DNM3: variants seen among roughly 807,000 people sequenced by gnomAD.
DNM3 encodes the protein dynamin 3, also known as dynamin-3.
Under a neutral mutation model 101.6 loss-of-function variants are expected in DNM3, and 47 were observed. The ratio of observed to expected loss-of-function variants is 0.46; its 90% CI spans 0.37 to 0.59. The LOEUF (loss-of-function observed/expected upper bound fraction) is 0.59, where lower values mean the gene tolerates loss of function less well. DNM3 is among the 20% of genes least tolerant of loss of function. The pLI, the probability that DNM3 is intolerant of heterozygous loss-of-function variation, is 0.00. For missense variants in DNM3, 849 were observed against 1,085.7 expected (o/e 0.78, Z 3.06); for synonymous variants, 385 against 387.9 (o/e 0.99, Z 0.09).
In DNM3 at chr1:171,861,536, G is replaced by A. The variant is rs190018848; in HGVS notation, c.161+19719G>A. Among the ~76,000 whole-genome samples, 430 of 152,206 alleles carry A rather than the reference G, an allele frequency of 2.8e-3. 1 individual carries two copies. Among genetic ancestry groups the A allele is most frequent in the Non-Finnish European group, 5.0e-3 (339 of 67,978 alleles). On this transcript the variant is annotated intron_variant, in intron 1 of 20. Transcript: ENST00000627582. ...GGTACTGGGACAGCAGTATATCCAT[G>A]TGCAAAAGAATACATTGGGGCCCCT...
At chr1:171,998,372 T>C (rs1300363166) in intron 4 of DNM3, among the ~76,000 whole-genome samples, 1 of 152,192 alleles carries the variant, frequency 6.6e-6, no homozygotes, top group African/African-American at 2.4e-5. Flanking sequence ...ACTAAATGAA[T>C]GCTTCTTGAT....
At chr1:171,957,199 CTTTTTTTT>C (rs377678762) in intron 2 of DNM3, among the ~76,000 whole-genome samples, 1 of 138,342 alleles carries the variant, frequency 7.2e-6, no homozygotes, top group South Asian at 2.3e-4. Flanking sequence ...TTCTTTCTTT[CTTTTTTTT>C]TTTTTTTTGA....
chr1:171,987,378 T>G, intron 2 of DNM3: 1 of 928,658 alleles, frequency 1.1e-6, no homozygotes, highest in Non-Finnish European at 1.3e-6. Flanking sequence ...AGCCAAAATT[T>G]TCTTTAAATT....
chr1:172,036,044 G>A (rs928114867), intron 6 of DNM3, among the ~76,000 whole-genome samples: 11 of 148,286 alleles, frequency 7.4e-5, no homozygotes, highest in Non-Finnish European at 4.5e-5. Context: ...TAGGGTACAT[G>A]TGCACAATCT....
chr1:172,188,817 G>T (rs940972893), intron 14 of DNM3, among the ~76,000 whole-genome samples: 3 of 151,988 alleles, frequency 2.0e-5, no homozygotes, highest in Non-Finnish European at 4.4e-5. Flanking sequence ...ATGAGTTCCT[G>T]TTCCTTTGCA....
At chr1:172,036,275 G>A (rs977248376) in intron 6 of DNM3, among the ~76,000 whole-genome samples, 4 of 149,202 alleles carry the variant, frequency 2.7e-5, no homozygotes, top group East Asian at 2.0e-4. Flanking sequence ...TTGTTCTTGC[G>A]ATAGTTTACT....
At chr1:172,127,962 G>A (rs973574747) in intron 13 of DNM3, among the ~76,000 whole-genome samples, 1 of 152,012 alleles carries the variant, frequency 6.6e-6, no homozygotes, top group Admixed American at 6.6e-5. Flanking sequence ...CCACCACACT[G>A]GCATAGCTAA....
At chr1:172,046,737 C>T (rs1276204359) in intron 9 of DNM3, among the ~76,000 whole-genome samples, 1 of 152,074 alleles carries the variant, frequency 6.6e-6, no homozygotes, top group Non-Finnish European at 1.5e-5. Context: ...TATTTCTTCT[C>T]CACCAAATCC....
intron 1 of DNM3, among the ~76,000 whole-genome samples, chr1:171,866,557 C>G (rs1041644130): frequency 4.6e-5 from 7 of 152,058 alleles, no homozygotes; most frequent in Admixed American, 6.6e-5. Flanking sequence ...GGATAATTAT[C>G]CTTTCCCTCA....
At position 172,048,596 on chromosome 1, in the gene DNM3, G is replaced by C. The variant is rs778555579; in HGVS notation, c.1197-16G>C. ...ATTAAAAAAATCTCATGGGCTGCTT[G>C]CTTTCTTACCTTCAGGACAGGGTTG... On this transcript the variant is annotated splice_polypyrimidine_tract_variant and intron_variant, in intron 9 of 20. Transcript: ENST00000627582. The C allele has an allele frequency of 1.3e-6, 2 of 1,589,466 alleles. No individual in the cohort carries two copies. The highest frequency in any genetic ancestry group is 2.7e-5 in the African/African-American group (2 of 73,582).
At chr1:172,055,254 T>C (rs961091495) in intron 10 of DNM3, among the ~76,000 whole-genome samples, 3 of 152,126 alleles carry the variant, frequency 2.0e-5, no homozygotes, top group Non-Finnish European at 4.4e-5. Context: ...AACATGTCTG[T>C]AGAGCCTTTG....
At chr1:171,930,593 G>A (rs1026091960) in intron 2 of DNM3, among the ~76,000 whole-genome samples, 10 of 152,128 alleles carry the variant, frequency 6.6e-5, no homozygotes, top group South Asian at 2.1e-4. Context: ...GCAAAGATCC[G>A]TGGGAGAAGC....
chr1:172,317,096 G>A (rs1004003054), intron 16 of DNM3, among the ~76,000 whole-genome samples: 108 of 151,492 alleles, frequency 7.1e-4, no homozygotes, highest in Non-Finnish European at 1.2e-3. Flanking sequence ...ACTCAAAACC[G>A]CTCAACTACA....
At chr1:171,848,654 G>A (rs959067176) in intron 1 of DNM3, among the ~76,000 whole-genome samples, 4 of 152,202 alleles carry the variant, frequency 2.6e-5, no homozygotes, top group African/African-American at 4.8e-5. Context: ...ATGTATTTGT[G>A]TAGCAAATCT....
rs192712249 is a variant in DNM3, at chr1:172,215,497, T to A, written c.1660-38076T>A. Among the ~76,000 whole-genome samples the A allele has an allele frequency of 2.0e-5, 3 of 152,006 alleles. No homozygotes were observed. In the South Asian group the frequency reaches 6.2e-4, roughly 32 times the overall value. On this transcript the variant is annotated intron_variant, in intron 14 of 20. Transcript: ENST00000627582. ...AGTTTTCAAGCTCCAGTCTTTATTATGTATGTATGTTTTAAATTAAGGAGC... is the reference window on the plus strand; with the variant it reads ...AGTTTTCAAGCTCCAGTCTTTATTAAGTATGTATGTTTTAAATTAAGGAGC...
chr1:172,007,977 A>G (rs906967780), intron 4 of DNM3, among the ~76,000 whole-genome samples: 4 of 151,836 alleles, frequency 2.6e-5, no homozygotes, highest in Non-Finnish European at 5.9e-5. Context: ...TTTTTTTCAT[A>G]TATCAGTTAG....
intron 14 of DNM3, among the ~76,000 whole-genome samples, chr1:172,150,973 T>C (rs1205207669): frequency 6.6e-6 from 1 of 152,204 alleles, no homozygotes; most frequent in Non-Finnish European, 1.5e-5. Context: ...TCTGGTTTTA[T>C]TACAGATATA....
intron 18 of DNM3, among the ~76,000 whole-genome samples, chr1:172,379,728 T>C (rs2068795884): frequency 6.6e-6 from 1 of 152,052 alleles, no homozygotes; most frequent in African/African-American, 2.4e-5. Context: ...GTAAGGATGC[T>C]ATAACCTCAA....
rs1051221421 is a variant in DNM3, at chr1:172,409,971, C to T, written c.*2130C>T. The T allele has an allele frequency of 4.2e-5, 41 of 985,692 alleles. No individual in the cohort carries two copies. The highest frequency in any genetic ancestry group is 1.1e-4 in the East Asian group (1 of 8,808). 61.1% of individuals were successfully genotyped at this position (985,692 alleles called of 1,614,324 possible). A position where few individuals can be genotyped will look rare whatever the true frequency, so the allele number is the denominator to read the frequency against. ...AGATTTTTTTCCAATTTTCCTTCCA[C>T]TGATCTTAGGCAGTAATAAACAATG... On this transcript the variant is annotated 3_prime_UTR_variant, in exon 21 of 21. Transcript: ENST00000627582.
Sources: allele counts gnomAD v4.1 joint callset (sites outside exome capture counted in the v4.1 genomes callset), GRCh38; gene constraint gnomAD v4.1.1; transcripts MANE v1.5; gene names NCBI Gene and HGNC (gene_info 2026-07-23, HGNC 2026-07-21).